The following CATIP variants were observed in gnomAD, a reference collection of about 807,000 sequenced individuals.
CATIP encodes ciliogenesis-associated TTC17-interacting protein.
In CATIP, 40 loss-of-function variants were observed where a neutral mutation model predicts 42.5. That is an observed-to-expected ratio of 0.94 (90% CI 0.73 to 1.22). CATIP has a LOEUF of 1.22. Among genes scored for constraint, CATIP ranks in the 50% most tolerant of loss-of-function variants. CATIP has a pLI of 0.00. For synonymous variants in CATIP, 222 were observed against 200.2 expected, an observed-to-expected ratio of 1.11 and a Z score of -0.92; for missense variants, 489 against 496.0, an observed-to-expected ratio of 0.99 and a Z score of 0.13.
At chr2:218,356,959 C>G (rs745330471) in intron 1 of CATIP, 50 bp downstream of exon 1, 14 of 1,609,148 alleles carry the variant, frequency 8.7e-6, no homozygotes, top group South Asian at 2.2e-5. Flanking sequence ...TTCTTTCTTC[C>G]CAATCCACCC....
chr2:218,357,349 G>A (rs909742612), intron 2 of CATIP, 162 bp downstream of exon 2: 3 of 705,182 alleles, frequency 4.3e-6, no homozygotes, highest in African/African-American at 1.8e-5. Context: ...CATTCTTCAA[G>A]GGAAGGCCCC....
intron 8 of CATIP, 159 bp from the exon 9 acceptor site, chr2:218,367,271 G>C: frequency 1.3e-6 from 1 of 793,416 alleles, no homozygotes; most frequent in Non-Finnish European, 2.1e-6. Flanking sequence ...ATAAGAGGAG[G>C]ATCTTTCCTA....
At position 218,357,751 on chromosome 2, in the gene CATIP, C is replaced by T; in HGVS notation, c.319+17C>T. 6.2e-7 allele frequency: 1 copy of T among 1,606,086 alleles called. No individual in the cohort carries two copies. Among genetic ancestry groups the T allele is most frequent in the Non-Finnish European group, 8.5e-7 (1 of 1,175,142 alleles). On this transcript the variant is annotated intron_variant, in intron 3 of 9. Transcript: ENST00000289388. ...CCCTCCTGGGTAGCGTTCCTACTGC[C>T]TGATGCCCGTCACTCTCCCCTTCCT... is the stretch of plus-strand genomic sequence containing the variant.
intron 6 of CATIP, among the ~76,000 whole-genome samples, chr2:218,364,367 C>G (rs141416862): frequency 1.3e-5 from 2 of 152,044 alleles, no homozygotes; most frequent in African/African-American, 2.4e-5. Flanking sequence ...CACACCCCCC[C>G]GCATACCGCT....
At chr2:218,362,637 A>G (rs1695275405) in intron 5 of CATIP, 98 bp from the exon 6 acceptor site, 2 of 1,296,374 alleles carry the variant, frequency 1.5e-6, no homozygotes, top group Admixed American at 4.5e-5. Context: ...CTGTCTCAAA[A>G]AAAAACAAAA....
At chr2:218,360,788 G>C (rs1275371241) in intron 5 of CATIP, 129 bp downstream of exon 5, 3 of 607,104 alleles carry the variant, frequency 4.9e-6, no homozygotes, top group Non-Finnish European at 8.5e-6. Context: ...AGCCTCAGGA[G>C]GTCCTGAGGA....
chr2:218,365,835 T>C (rs1695414228), intron 7 of CATIP: 1 of 152,088 alleles, frequency 6.6e-6, no homozygotes, highest in Non-Finnish European at 1.5e-5. Flanking sequence ...GTCTCTTTCT[T>C]GACAGAGTCT....
chr2:218,367,813 G>A lies in CATIP; in HGVS notation c.1013G>A (p.Arg338His). The part of the protein sequence containing the change: ...ISDFLLFLLL[R>H]QPEDVVTFAA... ...GACTTCCTGCTCTTCCTGCTGCTGCGCCAGCCGGAGGACGTGGTCACCTTC... is the reference window on the plus strand; with the variant it reads ...GACTTCCTGCTCTTCCTGCTGCTGCACCAGCCGGAGGACGTGGTCACCTTC... The change falls in exon 10 of 10, where the codon CGC (arginine) becomes CAC (histidine). Residue 338 changes from arginine to histidine, a missense_variant. Arg to His is a conservative substitution (Grantham distance 29). Transcript: ENST00000289388. 1 of 1,612,844 alleles carries A rather than the reference G, an allele frequency of 6.2e-7. No individual in the cohort carries two copies. The highest frequency in any genetic ancestry group is 8.5e-7 in the Non-Finnish European group (1 of 1,179,870).
At chr2:218,362,268 G>A (rs913443232) in intron 5 of CATIP, among the ~76,000 whole-genome samples, 18 of 150,458 alleles carry the variant, frequency 1.2e-4, no homozygotes, top group Non-Finnish European at 8.8e-5. Context: ...CAGGAAAGTC[G>A]CTTGAACCTG....
At chr2:218,361,692 C>CT (rs1213009305) in intron 5 of CATIP, among the ~76,000 whole-genome samples, 1 of 152,054 alleles carries the variant, frequency 6.6e-6, no homozygotes, top group South Asian at 2.1e-4. Flanking sequence ...AGTTATATAG[C>CT]TTTTTTTTCT....
At chr2:218,363,470 A>C (rs1457595946) in intron 6 of CATIP, among the ~76,000 whole-genome samples, 1 of 145,966 alleles carries the variant, frequency 6.9e-6, no homozygotes, top group African/African-American at 2.6e-5. Flanking sequence ...TGGGTGACAG[A>C]GCGAGACTCT....
chr2:218,357,800 C>T (rs2048363577), intron 3 of CATIP, 66 bp downstream of exon 3: 1 of 1,518,922 alleles, frequency 6.6e-7, no homozygotes. Flanking sequence ...CCACCAATTC[C>T]TAGAATCTTT....
intron 5 of CATIP, among the ~76,000 whole-genome samples, chr2:218,361,488 C>G (rs1695233116): frequency 6.6e-6 from 1 of 152,106 alleles, no homozygotes; most frequent in African/African-American, 2.4e-5. Flanking sequence ...TTCCGATTAG[C>G]CTTTCACTGA....
intron 3 of CATIP, 108 bp downstream of exon 3, chr2:218,357,842 A>T: frequency 2.3e-6 from 3 of 1,301,936 alleles, no homozygotes; most frequent in Non-Finnish European, 3.3e-6. Flanking sequence ...TTTGCCTTGG[A>T]CCAGGACAAG....
chr2:218,365,891 T>A (rs899288480), intron 7 of CATIP: 1 of 152,198 alleles, frequency 6.6e-6, no homozygotes, highest in African/African-American at 2.4e-5. Flanking sequence ...CTTGGCTAAC[T>A]GCAACCTCCG....
intron 7 of CATIP, 35 bp from the exon 8 acceptor site, chr2:218,366,989 A>C: frequency 1.9e-6 from 3 of 1,541,350 alleles, no homozygotes; most frequent in African/African-American, 1.4e-5. Flanking sequence ...CGGTCTGGGA[A>C]GATTCTCACT....
rs916959237 is a variant in CATIP at position 218,367,257 on chromosome 2, A to G, written c.832+157A>G. 2.7e-5 allele frequency: 21 copies of G among 772,858 alleles called. No individual in the cohort carries two copies. In the African/African-American group the frequency reaches 3.0e-4, roughly 11 times the overall value. 47.9% of individuals were successfully genotyped at this position (772,858 alleles called of 1,614,324 possible). On this transcript the variant is annotated intron_variant, in intron 8 of 9. Transcript: ENST00000289388. Reference sequence around the variant, plus strand: ...ATCTGCCCTCCAGCCCCTGACCCCAAGCAATAAGAGGAGGATCTTTCCTAC... The same window carrying G: ...ATCTGCCCTCCAGCCCCTGACCCCAGGCAATAAGAGGAGGATCTTTCCTAC...
At chr2:218,362,586 C>T in intron 5 of CATIP, 149 bp from the exon 6 acceptor site, 1 of 653,724 alleles carries the variant, frequency 1.5e-6, no homozygotes, top group Non-Finnish European at 2.6e-6. Context: ...GAGCTGAGAC[C>T]ACGCCATTGC....
intron 1 of CATIP, 60 bp from the exon 2 acceptor site, chr2:218,357,035 C>A (rs1445330753): frequency 6.4e-7 from 1 of 1,567,382 alleles, no homozygotes; most frequent in Admixed American, 1.7e-5. Context: ...CCTGCCTTGC[C>A]TCCCTGACCC....
Sources: gnomAD v4.1 joint callset for allele counts (sites outside exome capture counted in the v4.1 genomes callset) on GRCh38, gnomAD v4.1.1 for gene constraint, MANE v1.5 for transcripts, NCBI Gene and HGNC (gene_info 2026-07-23, HGNC 2026-07-21) for gene names.